Variants in DPP10 observed in about 807,000 individuals in gnomAD.
DPP10 encodes the protein dipeptidyl peptidase like 10.
DPP10 carries 33 observed loss-of-function variants against 120.9 expected under a neutral mutation model. The ratio of observed to expected loss-of-function variants is 0.27; its 90% CI spans 0.21 to 0.37. DPP10 has a LOEUF of 0.37. Among genes scored for constraint, DPP10 ranks in the 10% least tolerant of loss-of-function variants. DPP10 has a pLI of 1.00. For synonymous variants in DPP10, 337 were observed against 326.1 expected, an observed-to-expected ratio of 1.03 and a Z score of -0.36; for missense variants, 816 against 942.8, an observed-to-expected ratio of 0.87 and a Z score of 1.76.
intron 1 of DPP10, among the ~76,000 whole-genome samples, chr2:114,775,971 A>G (rs535248386): frequency 5.3e-5 from 8 of 152,160 alleles, no homozygotes; most frequent in Non-Finnish European, 1.0e-4. Flanking sequence ...GGCACATGGG[A>G]AGGACCCAGA....
At chr2:115,240,605 T>A (rs2058227031) in intron 1 of DPP10, among the ~76,000 whole-genome samples, 1 of 152,202 alleles carries the variant, frequency 6.6e-6, no homozygotes, top group Non-Finnish European at 1.5e-5. Flanking sequence ...GCTCATAGTT[T>A]CTTTTGCTGT....
chr2:114,967,019 G>A (rs1354385856), intron 1 of DPP10, among the ~76,000 whole-genome samples: 1 of 152,012 alleles, frequency 6.6e-6, no homozygotes, highest in African/African-American at 2.4e-5. Flanking sequence ...ACCAGTCTGG[G>A]CAACCACAGC....
rs142606658 is a variant in DPP10 at position 115,666,153 on chromosome 2, G to A, written c.442-23534G>A. ...GAGAACATCCAGTATTTGGTTTTCC[G>A]TTTCTACATTAGTTCATTTAGGATT... On this transcript the variant is annotated intron_variant, in intron 5 of 25. Transcript: ENST00000410059. Among the ~76,000 whole-genome samples, 348 of 152,104 alleles carry A rather than the reference G, an allele frequency of 2.3e-3. 2 individuals are homozygous for A. Among genetic ancestry groups the A allele is most frequent in the East Asian group, 0.016 (84 of 5,162 alleles).
chr2:115,638,403 C>T (rs1376315040), intron 5 of DPP10, among the ~76,000 whole-genome samples: 1 of 152,182 alleles, frequency 6.6e-6, no homozygotes, highest in Non-Finnish European at 1.5e-5. Context: ...CTTTCATCTA[C>T]ACATTTCAGT....
intron 1 of DPP10, among the ~76,000 whole-genome samples, chr2:115,289,822 A>G (rs1019928406): frequency 2.0e-5 from 3 of 152,096 alleles, no homozygotes; most frequent in Non-Finnish European, 4.4e-5. Flanking sequence ...CTAGATCCCT[A>G]TCTCTCACCA....
At chr2:114,513,521 C>CAAAAA (rs10712243) in intron 1 of DPP10, among the ~76,000 whole-genome samples, 28 of 74,950 alleles carry the variant, frequency 3.7e-4, no homozygotes, top group African/African-American at 4.3e-4. Flanking sequence ...AACTCTACCT[C>CAAAAA]AAAAAAAAAA....
chr2:114,960,350 T>C (rs1341345295), intron 1 of DPP10, among the ~76,000 whole-genome samples: 4 of 117,470 alleles, frequency 3.4e-5, no homozygotes, highest in Non-Finnish European at 6.8e-5. Flanking sequence ...TCTCTGGTTG[T>C]ACAGAGTGTA....
chr2:114,448,586 T>A (rs747169428), intron 1 of DPP10, among the ~76,000 whole-genome samples: 1 of 152,144 alleles, frequency 6.6e-6, no homozygotes, highest in African/African-American at 2.4e-5. Flanking sequence ...ACTCTTGGGG[T>A]AGGGCCCAGC....
intron 1 of DPP10, among the ~76,000 whole-genome samples, chr2:115,033,712 A>AT (rs1704015479): frequency 2.3e-5 from 2 of 88,076 alleles, no homozygotes; most frequent in East Asian, 3.6e-4. Flanking sequence ...TTTTTTTTTT[A>AT]TTTTTAGAGA....
At chr2:115,716,503 G>A (rs900367806) in intron 7 of DPP10, among the ~76,000 whole-genome samples, 5 of 152,026 alleles carry the variant, frequency 3.3e-5, no homozygotes, top group Non-Finnish European at 5.9e-5. Context: ...CTTTTATTGC[G>A]GATCCTAAGT....
At chr2:114,957,741 TATCA>T (rs1367785657) in intron 1 of DPP10, among the ~76,000 whole-genome samples, 3 of 152,224 alleles carry the variant, frequency 2.0e-5, no homozygotes, top group Non-Finnish European at 2.9e-5. Flanking sequence ...AGTGTACATA[TATCA>T]ATTAAAAATG....
intron 1 of DPP10, among the ~76,000 whole-genome samples, chr2:115,279,230 C>G (rs79449568): frequency 6.6e-6 from 1 of 152,120 alleles, no homozygotes; most frequent in African/African-American, 2.4e-5. Flanking sequence ...TGCAGTCTCT[C>G]ATGTATGAAT....
intron 21 of DPP10, among the ~76,000 whole-genome samples, chr2:115,827,241 G>A (rs1346339247): frequency 6.7e-6 from 1 of 150,132 alleles, no homozygotes; most frequent in Non-Finnish European, 1.5e-5. Flanking sequence ...ACTCTTCAAG[G>A]TAATAAGCTG....
chr2:114,660,914 T>G (rs918678465), intron 1 of DPP10, among the ~76,000 whole-genome samples: 4 of 152,172 alleles, frequency 2.6e-5, no homozygotes, highest in Non-Finnish European at 5.9e-5. Context: ...AGGAAGTAAT[T>G]TGAATTTCAA....
intron 1 of DPP10, among the ~76,000 whole-genome samples, chr2:115,194,238 T>G (rs2055089330): frequency 6.6e-6 from 1 of 152,134 alleles, no homozygotes; most frequent in South Asian, 2.1e-4. Context: ...TTGTTTTTTT[T>G]TTTGAGACGG....
Position 114,619,345 on chromosome 2 carries a change from A to T in DPP10, c.60+176507A>T, listed in dbSNP as rs71418506. Among the ~76,000 whole-genome samples, 1,053 of 151,510 alleles carry T rather than the reference A, an allele frequency of 7.0e-3. 5 individuals are homozygous for T. The highest frequency in any genetic ancestry group is 0.011 in the Non-Finnish European group (737 of 67,746). ...GTCAAAGCTAGAAGTATTTTAAAGA[A>T]CCTAAATATCTATATGTGTGTGTAT... On this transcript the variant is annotated intron_variant, in intron 1 of 25. Coordinates refer to ENST00000410059, the MANE Select transcript of DPP10 (RefSeq NM_020868.6).
chr2:115,495,743 A>G (rs1365910752), intron 3 of DPP10, among the ~76,000 whole-genome samples: 3 of 152,184 alleles, frequency 2.0e-5, no homozygotes, highest in Non-Finnish European at 4.4e-5. Context: ...CTTAGATCTC[A>G]GGGTACACAG....
At chr2:115,394,146 A>G (rs557475956) in intron 3 of DPP10, among the ~76,000 whole-genome samples, 1 of 152,318 alleles carries the variant, frequency 6.6e-6, no homozygotes, top group Admixed American at 6.5e-5. Flanking sequence ...GGATACAACA[A>G]AGTGTTTTAA....
chr2:114,984,313 A>G (rs1367341493), intron 1 of DPP10, among the ~76,000 whole-genome samples: 1 of 152,170 alleles, frequency 6.6e-6, no homozygotes, highest in East Asian at 1.9e-4. Context: ...CCTGGTTTGC[A>G]GAATGGGGCT....
Sources: gnomAD v4.1 joint callset for allele counts (sites outside exome capture counted in the v4.1 genomes callset) on GRCh38, gnomAD v4.1.1 for gene constraint, MANE v1.5 for transcripts, NCBI Gene and HGNC (gene_info 2026-07-23, HGNC 2026-07-21) for gene names.